Variants in FGF12 observed in about 807,000 individuals in gnomAD.
FGF12 encodes the protein fibroblast growth factor 12.
FGF12 carries 14 observed loss-of-function variants against 23.6 expected under a neutral mutation model. That is an observed-to-expected ratio of 0.59 (90% confidence interval 0.39 to 0.93). The LOEUF (loss-of-function observed/expected upper bound fraction) is 0.93, where lower values mean the gene tolerates loss of function less well. Among genes scored for constraint, FGF12 ranks in the 40% least tolerant of loss-of-function variants. FGF12 has a pLI of 0.00. For synonymous variants in FGF12, 62 were observed against 77.3 expected (o/e 0.80, Z 1.04); for missense variants, 175 against 217.8 (o/e 0.80, Z 1.24).
At chr3:192,454,719 C>T (rs1176149087) in intron 2 of FGF12, among the ~76,000 whole-genome samples, 1 of 152,086 alleles carries the variant, frequency 6.6e-6, no homozygotes, top group Non-Finnish European at 1.5e-5. Context: ...GGACACAAAA[C>T]CATTAGCGAT....
intron 2 of FGF12, among the ~76,000 whole-genome samples, chr3:192,656,981 C>T (rs1716451774): frequency 6.6e-6 from 1 of 152,114 alleles, no homozygotes; most frequent in South Asian, 2.1e-4. Context: ...TATAAAGTCT[C>T]ACGGCCAAGG....
At chr3:192,600,491 C>T (rs1240249834) in intron 2 of FGF12, among the ~76,000 whole-genome samples, 1 of 151,740 alleles carries the variant, frequency 6.6e-6, no homozygotes, top group Non-Finnish European at 1.5e-5. Context: ...TATTAAATAA[C>T]CAACAAAGTG....
chr3:192,432,008 C>T (rs1721872886), intron 2 of FGF12, among the ~76,000 whole-genome samples: 1 of 152,154 alleles, frequency 6.6e-6, no homozygotes, highest in African/African-American at 2.4e-5. Context: ...AGCCCTTTAT[C>T]CAGGCATTCC....
chr3:192,590,718 G>C (rs2108621942), intron 2 of FGF12, among the ~76,000 whole-genome samples: 1 of 152,026 alleles, frequency 6.6e-6, no homozygotes, highest in Admixed American at 6.6e-5. Flanking sequence ...ACATCTAGCA[G>C]ATAATCACAT....
intron 5 of FGF12, among the ~76,000 whole-genome samples, chr3:192,148,035 C>T (rs187338316): frequency 2.2e-4 from 34 of 152,126 alleles, no homozygotes; most frequent in African/African-American, 6.7e-4. Context: ...GCTCAGCCAC[C>T]GTGGAAAATG....
intron 2 of FGF12, among the ~76,000 whole-genome samples, chr3:192,563,046 G>A (rs1029541313): frequency 1.3e-5 from 2 of 152,180 alleles, no homozygotes; most frequent in African/African-American, 2.4e-5. Flanking sequence ...CAAGGATCTT[G>A]AGAAGACTCA....
At chr3:192,534,126 T>A in intron 2 of FGF12, 1 of 161,542 alleles carries the variant, frequency 6.2e-6, no homozygotes, top group East Asian at 1.6e-4. Context: ...GTTTGGTTGT[T>A]TAAAAAAAGT....
intron 2 of FGF12, among the ~76,000 whole-genome samples, chr3:192,698,468 A>G (rs1718192994): frequency 6.6e-6 from 1 of 152,174 alleles, no homozygotes; most frequent in Admixed American, 6.5e-5. Flanking sequence ...AATATCATAT[A>G]ATACCAAAAA....
chr3:192,494,755 C>CT (rs1723896824), intron 2 of FGF12, among the ~76,000 whole-genome samples: 1 of 152,094 alleles, frequency 6.6e-6, no homozygotes, highest in Non-Finnish European at 1.5e-5. Flanking sequence ...GATTGAAACA[C>CT]AGTTGTAGTA....
At chr3:192,644,195 G>C (rs551474933) in intron 2 of FGF12, among the ~76,000 whole-genome samples, 11 of 152,072 alleles carry the variant, frequency 7.2e-5, no homozygotes, top group Non-Finnish European at 1.5e-4. Flanking sequence ...TTGCTGCTTT[G>C]CTATTGTTAT....
chr3:192,667,512 C>T (rs774878620), intron 2 of FGF12, among the ~76,000 whole-genome samples: 2 of 147,156 alleles, frequency 1.4e-5, no homozygotes, highest in African/African-American at 5.0e-5. Context: ...CGGAAGGCTG[C>T]GGCAGGAGCA....
chr3:192,547,222 C>T (rs764196957), intron 2 of FGF12, among the ~76,000 whole-genome samples: 2 of 152,168 alleles, frequency 1.3e-5, no homozygotes, highest in Non-Finnish European at 2.9e-5. Flanking sequence ...AACAGAGTGG[C>T]AATTTCCATT....
rs1266041528 is a variant in FGF12, at chr3:192,551,569, A to G, written c.13+175612T>C. On this transcript the variant is annotated intron_variant, in intron 2 of 5. Transcript: ENST00000445105. ...CAGAGTGAGAAAGCTTCACTGAGCA[A>G]CAAAAGCATTCGGTCGAGATGCTGG... Among the ~76,000 whole-genome samples, 3 of 152,262 alleles carry G rather than the reference A, an allele frequency of 2.0e-5. No homozygotes were observed. The East Asian group carries it at 5.8e-4, about 29-fold the overall frequency.
rs1721100534 is a variant in FGF12, at chr3:192,409,269, G to T, written c.14-48731C>A. ...TGGAATGACTCAGTAGTTTAAATAAGCCCCCTCAAAAGGCAGCGATGCCGA... is the reference window on the plus strand; with the variant it reads ...TGGAATGACTCAGTAGTTTAAATAATCCCCCTCAAAAGGCAGCGATGCCGA... On this transcript the variant is annotated intron_variant, in intron 2 of 5. Transcript: ENST00000445105. This position sits in a 1 kb window ranked among gnomAD's most constrained non-coding sequence, Gnocchi z 4.8. Among the ~76,000 whole-genome samples, 1 of 152,180 alleles carries T rather than the reference G, an allele frequency of 6.6e-6. No individual in the cohort carries two copies. Among genetic ancestry groups the T allele is most frequent in the Admixed American group, 6.5e-5 (1 of 15,280 alleles).
At chr3:192,158,322 T>TTC (rs1469310801) in intron 5 of FGF12, among the ~76,000 whole-genome samples, 18 of 117,244 alleles carry the variant, frequency 1.5e-4, no homozygotes, top group Non-Finnish European at 2.6e-4. Flanking sequence ...TTCTCTTTCT[T>TTC]TCTTTCTTTC....
In FGF12 at chr3:192,449,829, T is replaced by C. The variant is rs546605847; in HGVS notation, c.14-89291A>G. 2.0e-5 allele frequency among the ~76,000 whole-genome samples: 3 copies of C among 152,156 alleles called. No homozygotes were observed. The South Asian group carries it at 6.2e-4, about 32-fold the overall frequency. The stretch of plus-strand genomic sequence containing the variant: ...CATGGGCATGCCCTCTCCAAGGGAG[T>C]CTGGATCTCAGCCTGAGGTGGGGTT... On this transcript the variant is annotated intron_variant, in intron 2 of 5. Coordinates refer to ENST00000445105, the MANE Select transcript of FGF12 (RefSeq NM_004113.6).
At chr3:192,623,680 A>G (rs1266949013) in intron 2 of FGF12, among the ~76,000 whole-genome samples, 3 of 152,190 alleles carry the variant, frequency 2.0e-5, no homozygotes, top group African/African-American at 7.2e-5. Flanking sequence ...TTAGGTGTAA[A>G]GAACATAAAC....
At chr3:192,226,869 A>G (rs1718762918) in intron 4 of FGF12, among the ~76,000 whole-genome samples, 1 of 152,164 alleles carries the variant, frequency 6.6e-6, no homozygotes, top group Non-Finnish European at 1.5e-5. Flanking sequence ...ACATATATAT[A>G]TACTTCAAAA....
intron 2 of FGF12, among the ~76,000 whole-genome samples, chr3:192,699,854 T>C (rs958081773): frequency 5.3e-5 from 8 of 152,204 alleles, no homozygotes; most frequent in Non-Finnish European, 1.0e-4. Context: ...TCCTCATCTT[T>C]AGGAGGAAGG....
Sources: allele counts gnomAD v4.1 joint callset (sites outside exome capture counted in the v4.1 genomes callset), GRCh38; gene constraint gnomAD v4.1.1; non-coding constraint Gnocchi (gnomAD v3.1); transcripts MANE v1.5; gene names NCBI Gene and HGNC (gene_info 2026-07-23, HGNC 2026-07-21).